KLHL22: variants seen among roughly 807,000 people sequenced by gnomAD.
KLHL22 encodes the protein kelch-like protein 22.
KLHL22 carries 18 observed loss-of-function variants against 60.7 expected under a neutral mutation model. The ratio of observed to expected loss-of-function variants is 0.30; its 90% CI spans 0.20 to 0.44. The LOEUF is 0.44. Ranked by LOEUF, KLHL22 falls within the 20% of genes least tolerant of loss-of-function variation. The probability of loss-of-function intolerance (pLI) is 1.00; values close to 1 mark genes in which losing one functional copy is unlikely to be tolerated. For missense variants in KLHL22, 596 were observed against 852.3 expected (o/e 0.70, Z 3.74); for synonymous variants, 355 against 354.5 (o/e 1.00, Z -0.01).
intron 2 of KLHL22, among the ~76,000 whole-genome samples, chr22:20,476,501 C>T (rs2146256133): frequency 6.7e-6 from 1 of 149,744 alleles, no homozygotes; most frequent in South Asian, 2.1e-4. Flanking sequence ...CAGGTTCCGC[C>T]CCCCGGGGTT....
intron 4 of KLHL22, among the ~76,000 whole-genome samples, chr22:20,462,721 C>T (rs1474286994): frequency 1.3e-5 from 2 of 151,874 alleles, no homozygotes; most frequent in African/African-American, 4.8e-5. Context: ...ACTAGGTATA[C>T]CATGTAGTTG....
At chr22:20,486,752 G>T (rs1255588755) in intron 2 of KLHL22, among the ~76,000 whole-genome samples, 1 of 151,566 alleles carries the variant, frequency 6.6e-6, no homozygotes, top group Non-Finnish European at 1.5e-5. Context: ...CGCAATCTCG[G>T]CTCACTGCAA....
chr22:20,492,642 T>G (rs558164235), intron 1 of KLHL22, among the ~76,000 whole-genome samples: 38 of 151,192 alleles, frequency 2.5e-4, no homozygotes, highest in Non-Finnish European at 5.0e-4. Context: ...CAGGCTAGAG[T>G]GCAGTGGTGT....
intron 2 of KLHL22, among the ~76,000 whole-genome samples, chr22:20,476,210 G>T (rs1287368484): frequency 7.9e-5 from 12 of 152,096 alleles, no homozygotes; most frequent in Admixed American, 7.9e-4. Context: ...GCATGGCCAA[G>T]CCCTCGGGGC....
rs1197157616 is a variant in KLHL22, at chr22:20,442,231, T to C, written c.1747A>G (p.Ile583Val). Reference protein sequence around the residue: ...WEEGPQLDNSISGLAACVLTL... With the variant: ...WEEGPQLDNSVSGLAACVLTL... ...AGCACACAGGCCGCCAGGCCTGAGATGGAGTTGTCCAGCTGGGGCCCTTCC... is the reference window on the plus strand; with the variant it reads ...AGCACACAGGCCGCCAGGCCTGAGACGGAGTTGTCCAGCTGGGGCCCTTCC... The change falls in exon 7 of 7, where the codon ATC becomes GTC. Residue 583 changes from isoleucine (I) to valine (V), a missense_variant. Transcript: ENST00000328879. 4.3e-6 allele frequency: 7 copies of C among 1,609,582 alleles called. No individual in the cohort carries two copies. The highest frequency in any genetic ancestry group is 5.9e-6 in the Non-Finnish European group (7 of 1,177,286).
Position 20,442,232 on chromosome 22 carries a change from G to C in KLHL22, c.1746C>G (p.Ser582=), listed in dbSNP as rs770282123. The change falls in exon 7 of 7, where the codon TCC becomes TCG. Residue 582 remains serine (S), a synonymous_variant. Coordinates refer to ENST00000328879, the MANE Select transcript of KLHL22 (RefSeq NM_032775.4). ...GCACACAGGCCGCCAGGCCTGAGATGGAGTTGTCCAGCTGGGGCCCTTCCT... is the reference window on the plus strand; with the variant it reads ...GCACACAGGCCGCCAGGCCTGAGATCGAGTTGTCCAGCTGGGGCCCTTCCT... The part of the protein sequence containing the change: ...CWEEGPQLDN[S]ISGLAACVLT... The C allele has an allele frequency of 6.2e-7, 1 of 1,609,558 alleles. No homozygotes were observed. The highest frequency in any genetic ancestry group is 1.7e-5 in the Admixed American group (1 of 59,724).
chr22:20,477,562 C>T (rs1171340436), intron 2 of KLHL22, among the ~76,000 whole-genome samples: 1 of 152,064 alleles, frequency 6.6e-6, no homozygotes, highest in Non-Finnish European at 1.5e-5. Context: ...GCTATGATGA[C>T]ACCATTGCCC....
intron 3 of KLHL22, among the ~76,000 whole-genome samples, chr22:20,467,288 C>T (rs2053250202): frequency 6.6e-6 from 1 of 152,182 alleles, no homozygotes; most frequent in African/African-American, 2.4e-5. Flanking sequence ...TGGTTCTGGC[C>T]CTGAGACAAA....
intron 4 of KLHL22, among the ~76,000 whole-genome samples, chr22:20,461,413 C>G (rs184057446): frequency 6.6e-6 from 1 of 151,780 alleles, no homozygotes; most frequent in Non-Finnish European, 1.5e-5. Flanking sequence ...ATTAGCCAGG[C>G]GTGGTGGTGG....
chr22:20,482,507 C>T (rs2053519130), intron 2 of KLHL22, among the ~76,000 whole-genome samples: 1 of 152,148 alleles, frequency 6.6e-6, no homozygotes, highest in Admixed American at 6.5e-5. Context: ...ATCCTCCCAC[C>T]TCGGCCTCCC....
At chr22:20,462,327 A>G (rs1024689767) in intron 4 of KLHL22, among the ~76,000 whole-genome samples, 2 of 151,754 alleles carry the variant, frequency 1.3e-5, no homozygotes, top group African/African-American at 4.8e-5. Flanking sequence ...AGCAGCCATG[A>G]AATGCCGAAG....
At chr22:20,463,689 T>C (rs1293531197) in intron 4 of KLHL22, among the ~76,000 whole-genome samples, 1 of 152,254 alleles carries the variant, frequency 6.6e-6, no homozygotes, top group Non-Finnish European at 1.5e-5. Flanking sequence ...CAACTTTGTT[T>C]AGAGAGGAAA....
chr22:20,463,526 T>C (rs1351659393), intron 4 of KLHL22, among the ~76,000 whole-genome samples: 3 of 152,238 alleles, frequency 2.0e-5, no homozygotes, highest in African/African-American at 7.2e-5. Flanking sequence ...CAAAACACTC[T>C]GGAGAGATTG....
intron 5 of KLHL22, chr22:20,451,710 G>A (rs1371293778): frequency 4.4e-6 from 7 of 1,580,198 alleles, no homozygotes; most frequent in African/African-American, 1.3e-5. Context: ...ATGAAGGTAA[G>A]TCCCTGCTAA....
Position 20,457,837 on chromosome 22 carries a change from AGGAGT to A in KLHL22, c.1271_1275del (p.Asn424MetfsTer53). ...CTCTTGAGTGGGGCCACGTATGCCC[AGGAGT>A]TGGTGGCAGGGTCGTAGCGCTCCAC... is the stretch of plus-strand genomic sequence containing the variant. On this transcript the variant is annotated frameshift_variant, in exon 5 of 7. Transcript: ENST00000328879. LOFTEE classifies it high-confidence loss of function. 6.2e-7 allele frequency: 1 copy of A among 1,607,650 alleles called. No homozygotes were observed. Among genetic ancestry groups the A allele is most frequent in the Non-Finnish European group, 8.5e-7 (1 of 1,176,990 alleles).
chr22:20,457,055 T>C (rs1288756100), intron 5 of KLHL22, among the ~76,000 whole-genome samples: 1 of 151,888 alleles, frequency 6.6e-6, no homozygotes, highest in African/African-American at 2.4e-5. Context: ...TGCTAGGGTA[T>C]GCCCTGTTCT....
rs1229532135 is a variant in KLHL22 at position 20,441,634 on chromosome 22, C to T, written c.*439G>A. Reference sequence around the variant, plus strand: ...GCCAGTCCCAGGCGAGCTGATGCATCTCTGCTCCTCTGCCCCTCAGGAGCT... The same window carrying T: ...GCCAGTCCCAGGCGAGCTGATGCATTTCTGCTCCTCTGCCCCTCAGGAGCT... On this transcript the variant is annotated 3_prime_UTR_variant, in exon 7 of 7. Transcript: ENST00000328879. 5.4e-6 allele frequency: 1 copy of T among 186,580 alleles called. No individual in the cohort carries two copies. Among genetic ancestry groups the T allele is most frequent in the Admixed American group, 6.3e-5 (1 of 15,786 alleles). 11.6% of individuals were successfully genotyped at this position (186,580 alleles called of 1,614,324 possible). A position where few individuals can be genotyped will look rare whatever the true frequency, so the allele number is the denominator to read the frequency against.
At chr22:20,453,973 G>A (rs1052545208) in intron 5 of KLHL22, among the ~76,000 whole-genome samples, 28 of 152,190 alleles carry the variant, frequency 1.8e-4, no homozygotes, top group Non-Finnish European at 3.1e-4. Flanking sequence ...GACCTCAAGC[G>A]ATACACCATC....
chr22:20,488,946 C>A (rs1331093395), intron 2 of KLHL22, 39 bp downstream of exon 2: 1 of 1,592,346 alleles, frequency 6.3e-7, no homozygotes, highest in Non-Finnish European at 8.6e-7. Context: ...CCAGGATTAC[C>A]TTTGTTATTC....
Sources: allele counts gnomAD v4.1 joint callset (sites outside exome capture counted in the v4.1 genomes callset), GRCh38; gene constraint gnomAD v4.1.1; transcripts MANE v1.5; gene names NCBI Gene and HGNC (gene_info 2026-07-23, HGNC 2026-07-21).